TRERF1: variants seen among roughly 807,000 people sequenced by gnomAD.
The protein encoded by TRERF1 is transcriptional-regulating factor 1.
A neutral mutation model predicts 122.9 loss-of-function variants in TRERF1; 27 were observed. The observed-to-expected ratio is 0.22, with a 90% CI of 0.16 to 0.30. TRERF1 has a LOEUF of 0.30. TRERF1 is among the 10% of genes least tolerant of loss of function. The probability of loss-of-function intolerance (pLI) is 1.00; values close to 1 mark genes in which losing one functional copy is unlikely to be tolerated. For missense variants in TRERF1, 1,248 were observed against 1,560.3 expected, an observed-to-expected ratio of 0.80 and a Z score of 3.37; for synonymous variants, 636 against 641.7, an observed-to-expected ratio of 0.99 and a Z score of 0.13.
intron 13 of TRERF1, among the ~76,000 whole-genome samples, chr6:42,252,024 A>G (rs1212760980): frequency 1.3e-5 from 2 of 152,202 alleles, no homozygotes; most frequent in Non-Finnish European, 2.9e-5. Flanking sequence ...ATTGGGAACC[A>G]CTGCACACAA....
intron 2 of TRERF1, among the ~76,000 whole-genome samples, chr6:42,447,073 C>T (rs550190270): frequency 1.1e-4 from 16 of 152,242 alleles, no homozygotes; most frequent in African/African-American, 3.4e-4. Flanking sequence ...TTTAGGCACA[C>T]GGGTTCTTTG....
intron 3 of TRERF1, among the ~76,000 whole-genome samples, chr6:42,340,744 A>G (rs1301683528): frequency 6.6e-6 from 1 of 152,154 alleles, no homozygotes; most frequent in African/African-American, 2.4e-5. Flanking sequence ...GCGACTACAG[A>G]CGTGTGCCAC....
At chr6:42,337,740 G>T (rs1436793854) in intron 3 of TRERF1, among the ~76,000 whole-genome samples, 2 of 152,144 alleles carry the variant, frequency 1.3e-5, no homozygotes, top group African/African-American at 4.8e-5. Flanking sequence ...ATAAGCAAAG[G>T]CATGGAGGTG....
exon 15 of TRERF1, chr6:42,243,344 C>T: frequency 3.1e-6 from 5 of 1,614,056 alleles, no homozygotes; most frequent in Non-Finnish European, 4.2e-6. Flanking sequence ...CGCACTGAGC[C>T]ACCGTCTTGG....
At chr6:42,251,592 G>A (rs1481571201) in intron 13 of TRERF1, among the ~76,000 whole-genome samples, 5 of 152,060 alleles carry the variant, frequency 3.3e-5, no homozygotes, top group African/African-American at 4.8e-5. Context: ...ACTCAGTACT[G>A]CCCTTGAGGG....
chr6:42,448,368 T>C (rs1008712835), intron 2 of TRERF1, among the ~76,000 whole-genome samples: 5 of 152,194 alleles, frequency 3.3e-5, no homozygotes, highest in Non-Finnish European at 7.4e-5. Context: ...TGCTGCACTC[T>C]CTGTTAGTGC....
rs141204351 is a variant in TRERF1, at chr6:42,250,399, T to C, written c.2657-3855A>G. Among the ~76,000 whole-genome samples the C allele has an allele frequency of 3.9e-5, 6 of 152,320 alleles. No individual in the cohort carries two copies. In the East Asian group the frequency reaches 1.2e-3, roughly 29 times the overall value. On this transcript the variant is annotated intron_variant, in intron 13 of 17. Coordinates refer to ENST00000372922, the Ensembl canonical transcript of TRERF1. ...CCTTCCTGCCTCCAAAATCCCTCTG[T>C]AATCCGAAGTTAACGAAAGGCTCAG...
intron 4 of TRERF1, among the ~76,000 whole-genome samples, chr6:42,271,412 C>T (rs530888506): frequency 9.9e-5 from 15 of 152,208 alleles, no homozygotes; most frequent in African/African-American, 3.4e-4. Flanking sequence ...AAATAATATT[C>T]TTCCATGGAT....
At chr6:42,357,328 CAAA>C (rs35651008) in intron 3 of TRERF1, among the ~76,000 whole-genome samples, 123 of 61,154 alleles carry the variant, frequency 2.0e-3, no homozygotes, top group African/African-American at 6.2e-3. Flanking sequence ...GACTCTGTCT[CAAA>C]AAAAAAAAAA....
At chr6:42,379,130 T>A (rs1462327944) in intron 2 of TRERF1, among the ~76,000 whole-genome samples, 1 of 151,918 alleles carries the variant, frequency 6.6e-6, no homozygotes, top group African/African-American at 2.4e-5. Flanking sequence ...AAAAAAAAAT[T>A]TTTTTAATAT....
At position 42,355,425 on chromosome 6, in the gene TRERF1, A is replaced by G. The variant is rs567267705; in HGVS notation, c.-371+7572T>C. On this transcript the variant is annotated intron_variant, in intron 3 of 17. Transcript: ENST00000372922. The stretch of plus-strand genomic sequence containing the variant: ...TTTGGTTATGGTAGAACATTCACAT[A>G]CTCTATTGTTGAAATCTACTCGCTA... Among the ~76,000 whole-genome samples the G allele has an allele frequency of 2.0e-5, 3 of 152,188 alleles. No homozygotes were observed. In the East Asian group the frequency reaches 5.8e-4, roughly 29 times the overall value.
intron 2 of TRERF1, among the ~76,000 whole-genome samples, chr6:42,430,037 G>A (rs1393051039): frequency 6.6e-6 from 1 of 151,786 alleles, no homozygotes; most frequent in Non-Finnish European, 1.5e-5. Flanking sequence ...CTGTGCAAAG[G>A]CCCTGAGGCA....
chr6:42,326,628 G>A (rs1415629039), intron 3 of TRERF1, among the ~76,000 whole-genome samples: 1 of 152,168 alleles, frequency 6.6e-6, no homozygotes, highest in African/African-American at 2.4e-5. Flanking sequence ...CCCATCTCAG[G>A]AGAGTGACAA....
chr6:42,256,856 T>C (rs748350171), intron 11 of TRERF1, 25 bp from the exon 12 acceptor site: 2 of 1,613,746 alleles, frequency 1.2e-6, no homozygotes, highest in Admixed American at 1.7e-5. Context: ...GAGAAGCCAA[T>C]GCATCAGAGA....
intron 2 of TRERF1, among the ~76,000 whole-genome samples, chr6:42,436,814 A>AAATATATATATAT (rs61427173): frequency 1.9e-4 from 13 of 66,684 alleles, no homozygotes; most frequent in East Asian, 5.5e-4. Context: ...AAAAAAAAAA[A>AAATATATATATAT]ATATATATAT....
chr6:42,336,711 G>A (rs963826836), intron 3 of TRERF1, among the ~76,000 whole-genome samples: 10 of 152,122 alleles, frequency 6.6e-5, no homozygotes, highest in Non-Finnish European at 1.2e-4. Flanking sequence ...GTAAGGAAAC[G>A]GTGGCTCAGG....
At position 42,254,778 on chromosome 6, in the gene TRERF1, A is replaced by G. The variant is rs1776430821; in HGVS notation, c.2656+73T>C. 1.1e-5 allele frequency: 16 copies of G among 1,404,372 alleles called. No homozygotes were observed. In the Middle Eastern group the frequency reaches 7.1e-4, roughly 62 times the overall value. 87.0% of individuals were successfully genotyped at this position (1,404,372 alleles called of 1,614,324 possible). Reference sequence around the variant, plus strand: ...CAGAACCGGTGTTATCCATTGCTAGAAAGTGACACAACCGAACATGCAAGC... The same window carrying G: ...CAGAACCGGTGTTATCCATTGCTAGGAAGTGACACAACCGAACATGCAAGC... On this transcript the variant is annotated intron_variant, in intron 13 of 17. Transcript: ENST00000372922.
At chr6:42,227,563 C>T (rs920018459) in exon 18 of TRERF1, 1 of 152,266 alleles carries the variant, frequency 6.6e-6, no homozygotes, top group Admixed American at 6.5e-5. Context: ...CTAGTCAGTT[C>T]ATGCTGAAAC....
intron 3 of TRERF1, among the ~76,000 whole-genome samples, chr6:42,330,630 T>C (rs1270360284): frequency 6.6e-6 from 1 of 152,216 alleles, no homozygotes. Context: ...GGAATATGCC[T>C]AAAGATTTAG....
Sources: allele counts gnomAD v4.1 joint callset (sites outside exome capture counted in the v4.1 genomes callset), GRCh38; gene constraint gnomAD v4.1.1; transcripts MANE v1.5; gene names NCBI Gene and HGNC (gene_info 2026-07-23, HGNC 2026-07-21).